Variants in ZFYVE28 observed in about 807,000 individuals in gnomAD.
ZFYVE28 encodes zinc finger FYVE-type containing 28, also known as lateral signaling target protein 2 homolog.
In ZFYVE28, 40 loss-of-function variants were observed where a neutral mutation model predicts 82.1. That is an observed-to-expected ratio of 0.49 (90% CI 0.38 to 0.63). The LOEUF (loss-of-function observed/expected upper bound fraction) is 0.63, where lower values mean the gene tolerates loss of function less well. Among genes scored for constraint, ZFYVE28 ranks in the 30% least tolerant of loss-of-function variants. ZFYVE28 has a pLI of 0.00. For synonymous variants in ZFYVE28, 612 were observed against 546.1 expected (o/e 1.12, Z -1.68); for missense variants, 1,321 against 1,242.1 (o/e 1.06, Z -0.96).
chr4:2,315,279 G>GT (rs1238400951), intron 7 of ZFYVE28, among the ~76,000 whole-genome samples: 3 of 151,928 alleles, frequency 2.0e-5, no homozygotes, highest in Non-Finnish European at 4.4e-5. Flanking sequence ...TCCTTCAGCA[G>GT]TTTTTTTTGT....
chr4:2,284,939 C>A (rs1436495385), intron 8 of ZFYVE28, among the ~76,000 whole-genome samples: 1 of 152,170 alleles, frequency 6.6e-6, no homozygotes, highest in Non-Finnish European at 1.5e-5. Context: ...TGAATTGGGG[C>A]CCCCCAGCAA....
Position 2,339,429 on chromosome 4 carries a change from G to A in ZFYVE28, c.521+24C>T. 6.2e-7 allele frequency: 1 copy of A among 1,610,322 alleles called. No individual in the cohort carries two copies. Among genetic ancestry groups the A allele is most frequent in the South Asian group, 1.1e-5 (1 of 90,226 alleles). On this transcript the variant is annotated intron_variant, in intron 4 of 12. Coordinates refer to ENST00000290974, the MANE Select transcript of ZFYVE28 (RefSeq NM_020972.3). The surrounding 1 kb of genome is among the most constrained non-coding windows in gnomAD (Gnocchi z 5.0). ...CCGTCCCCCAGCTCATACAGCCAGG[G>A]CTGTGGACCCACAGCTGCAGTACCT...
At chr4:2,357,230 G>A (rs967401477) in intron 1 of ZFYVE28, among the ~76,000 whole-genome samples, 2 of 152,202 alleles carry the variant, frequency 1.3e-5, no homozygotes, top group Non-Finnish European at 2.9e-5. Flanking sequence ...CTTATGGGGT[G>A]ACCGCCAGCT....
rs757724925 is a variant in ZFYVE28 at position 2,335,659 on chromosome 4, C to G, written c.701+46G>C. ...GGGACCTGGCACCATCAGCCCTGCC[C>G]GTCCCGCAGGTTTCTGCAGAGGTCC... On this transcript the variant is annotated intron_variant, in intron 6 of 12. Transcript: ENST00000290974. This position sits in a 1 kb window ranked among gnomAD's most constrained non-coding sequence, Gnocchi z 5.8. The G allele has an allele frequency of 6.5e-7, 1 of 1,531,410 alleles. No individual in the cohort carries two copies. The highest frequency in any genetic ancestry group is 2.0e-5 in the Admixed American group (1 of 51,022). 94.9% of individuals were successfully genotyped at this position (1,531,410 alleles called of 1,614,324 possible).
At chr4:2,350,187 G>A (rs565579426) in intron 2 of ZFYVE28, among the ~76,000 whole-genome samples, 24 of 152,142 alleles carry the variant, frequency 1.6e-4, no homozygotes, top group Non-Finnish European at 1.8e-4. Context: ...ATTGTAGGCC[G>A]GGCGCAGTGG....
intron 1 of ZFYVE28, among the ~76,000 whole-genome samples, chr4:2,388,277 C>T (rs1477744787): frequency 6.6e-6 from 1 of 152,182 alleles, no homozygotes; most frequent in Non-Finnish European, 1.5e-5. Flanking sequence ...AAATTAAAAG[C>T]TCTCACAATG....
chr4:2,276,217 C>T (rs1377889969), intron 8 of ZFYVE28, among the ~76,000 whole-genome samples: 1 of 152,172 alleles, frequency 6.6e-6, no homozygotes, highest in African/African-American at 2.4e-5. Context: ...GCTAACATAG[C>T]TGAATATTTG....
chr4:2,395,748 G>A (rs1730368780), intron 1 of ZFYVE28, among the ~76,000 whole-genome samples: 1 of 152,202 alleles, frequency 6.6e-6, no homozygotes, highest in Non-Finnish European at 1.5e-5. Context: ...ACACGCCAGG[G>A]ACAGCCTTTG....
At chr4:2,407,215 G>T (rs1420236773) in intron 1 of ZFYVE28, among the ~76,000 whole-genome samples, 1 of 152,066 alleles carries the variant, frequency 6.6e-6, no homozygotes, top group East Asian at 1.9e-4. Flanking sequence ...ATGATTTGGG[G>T]GCGGTTACTT....
chr4:2,318,435 G>A lies in ZFYVE28; in HGVS notation c.803+1735C>T, dbSNP rs116198122. On this transcript the variant is annotated intron_variant, in intron 7 of 12. Transcript: ENST00000290974. ...TAGCCGGGCATGGTGGCGTACACCC[G>A]TAATCCCAGCTACTCAGGAGGCTGA... Among the ~76,000 whole-genome samples the A allele has an allele frequency of 2.0e-3, 301 of 152,232 alleles. 2 individuals are homozygous for A. Among genetic ancestry groups the A allele is most frequent in the South Asian group, 0.011 (52 of 4,824 alleles).
At chr4:2,405,065 T>C (rs75385950) in intron 1 of ZFYVE28, among the ~76,000 whole-genome samples, 3,569 of 152,094 alleles carry the variant, frequency 0.023, 141 homozygotes, top group African/African-American at 0.081. Flanking sequence ...AAAATATATA[T>C]ATAACAACAA....
intron 8 of ZFYVE28, among the ~76,000 whole-genome samples, chr4:2,279,533 A>T (rs923221493): frequency 7.2e-5 from 11 of 152,250 alleles, no homozygotes; most frequent in African/African-American, 2.6e-4. Context: ...TAATCCCAGC[A>T]CTTTGGGAGG....
chr4:2,324,319 T>G (rs1259289679), intron 6 of ZFYVE28: 1 of 152,204 alleles, frequency 6.6e-6, no homozygotes, highest in Non-Finnish European at 1.5e-5. Flanking sequence ...ACTCAGAGTC[T>G]ACTGATTTAA....
chr4:2,346,209 G>T (rs760219498), intron 2 of ZFYVE28, among the ~76,000 whole-genome samples: 2 of 150,794 alleles, frequency 1.3e-5, no homozygotes, highest in East Asian at 1.9e-4. Flanking sequence ...GGGCGTGGTG[G>T]TGGGCGCCTA....
chr4:2,339,349 C>T lies in ZFYVE28; in HGVS notation c.521+104G>A, dbSNP rs1207588660. The T allele has an allele frequency of 7.3e-7, 1 of 1,361,122 alleles. No homozygotes were observed. The highest frequency in any genetic ancestry group is 1.0e-6 in the Non-Finnish European group (1 of 992,908). The allele number at this position is 1,361,122 out of a possible 1,614,324, so 84.3% of individuals were successfully genotyped here. A position where few individuals can be genotyped will look rare whatever the true frequency, so the allele number is the denominator to read the frequency against. ...GGCCCTGAACCTGCCTGGCTCCTCCCTCTGTGGAATTTTCCAGCTTGAAGT... is the reference window on the plus strand; with the variant it reads ...GGCCCTGAACCTGCCTGGCTCCTCCTTCTGTGGAATTTTCCAGCTTGAAGT... On this transcript the variant is annotated intron_variant, in intron 4 of 12. Coordinates refer to ENST00000290974, the MANE Select transcript of ZFYVE28 (RefSeq NM_020972.3). This position sits in a 1 kb window ranked among gnomAD's most constrained non-coding sequence, Gnocchi z 5.0.
intron 1 of ZFYVE28, among the ~76,000 whole-genome samples, chr4:2,406,035 T>TA (rs1731854925): frequency 9.9e-6 from 1 of 100,862 alleles, no homozygotes. Flanking sequence ...GGCCACAGAA[T>TA]GGATTCTGTC....
In ZFYVE28 at chr4:2,346,054, G is replaced by C. The variant is rs112750878; in HGVS notation, c.181-4439C>G. On this transcript the variant is annotated intron_variant, in intron 2 of 12. Coordinates refer to ENST00000290974, the MANE Select transcript of ZFYVE28 (RefSeq NM_020972.3). ...AATGCTAAAGAAATTCTTGGCCAGG[G>C]GCGGTGGCTCACGCCTGTAATCCCA... is the stretch of plus-strand genomic sequence containing the variant. Among the ~76,000 whole-genome samples the C allele has an allele frequency of 9.8e-3, 1,489 of 152,014 alleles. 8 individuals are homozygous for C. The highest frequency in any genetic ancestry group is 0.016 in the Non-Finnish European group (1,078 of 67,956).
At chr4:2,349,979 C>T (rs1304034641) in intron 2 of ZFYVE28, among the ~76,000 whole-genome samples, 1 of 151,738 alleles carries the variant, frequency 6.6e-6, no homozygotes, top group Non-Finnish European at 1.5e-5. Flanking sequence ...CTGCTCTCAC[C>T]ACTTCTATTC....
chr4:2,288,549 T>C (rs936287729), intron 8 of ZFYVE28, among the ~76,000 whole-genome samples: 1 of 152,092 alleles, frequency 6.6e-6, no homozygotes, highest in African/African-American at 2.4e-5. Context: ...GGTCCTGCCA[T>C]GGGGAGGGTG....
Sources: allele counts gnomAD v4.1 joint callset (sites outside exome capture counted in the v4.1 genomes callset), GRCh38; gene constraint gnomAD v4.1.1; non-coding constraint Gnocchi (gnomAD v3.1); transcripts MANE v1.5; gene names NCBI Gene and HGNC (gene_info 2026-07-23, HGNC 2026-07-21).